The following THSD7B variants were observed in gnomAD, a reference collection of about 807,000 sequenced individuals.
THSD7B encodes thrombospondin type-1 domain-containing protein 7B.
THSD7B carries 138 observed loss-of-function variants against 213.6 expected under a neutral mutation model. That is an observed-to-expected ratio of 0.65 (90% CI 0.56 to 0.74). The LOEUF (loss-of-function observed/expected upper bound fraction) is 0.74. Ranked by LOEUF, THSD7B falls within the 30% of genes least tolerant of loss-of-function variation. THSD7B has a pLI of 0.00. For synonymous variants in THSD7B, 742 were observed against 687.0 expected (o/e 1.08, Z -1.25); for missense variants, 1,931 against 1,991.5 (o/e 0.97, Z 0.58).
intron 12 of THSD7B, among the ~76,000 whole-genome samples, chr2:137,364,075 G>A (rs1685342437): frequency 6.6e-6 from 1 of 152,210 alleles, no homozygotes; most frequent in South Asian, 2.1e-4. Flanking sequence ...TGGAATGCAA[G>A]GCTGGTTCAA....
chr2:137,133,736 G>T lies in THSD7B; in HGVS notation c.1369+18443G>T, dbSNP rs118096086. Reference sequence around the variant, plus strand: ...TAAATAGGTGAAATTAATTTTCCTAGTGTATTTTGTTTCACCAAATATATC... The same window carrying T: ...TAAATAGGTGAAATTAATTTTCCTATTGTATTTTGTTTCACCAAATATATC... On this transcript the variant is annotated intron_variant, in intron 5 of 27. Transcript: ENST00000409968. Among the ~76,000 whole-genome samples the T allele has an allele frequency of 3.6e-3, 548 of 152,292 alleles. 5 individuals are homozygous for T. Among genetic ancestry groups the T allele is most frequent in the Admixed American group, 0.023 (352 of 15,290 alleles).
chr2:137,649,440 G>T (rs1683099105), intron 21 of THSD7B, among the ~76,000 whole-genome samples: 2 of 152,062 alleles, frequency 1.3e-5, no homozygotes, highest in Admixed American at 6.6e-5. Context: ...AATACATTTT[G>T]ATTTGATTTT....
intron 1 of THSD7B, among the ~76,000 whole-genome samples, chr2:136,862,294 G>A (rs1683268184): frequency 6.6e-6 from 1 of 152,042 alleles, no homozygotes; most frequent in African/African-American, 2.4e-5. Flanking sequence ...TCTCCTCCAG[G>A]CCCTGAGAGT....
intron 6 of THSD7B, among the ~76,000 whole-genome samples, chr2:137,163,196 C>G (rs1680052726): frequency 6.6e-6 from 1 of 152,102 alleles, no homozygotes; most frequent in Admixed American, 6.5e-5. Context: ...TAAAAGTCAA[C>G]CTGTGCAGAT....
At chr2:137,321,907 G>A (rs968959790) in intron 12 of THSD7B, among the ~76,000 whole-genome samples, 1 of 152,178 alleles carries the variant, frequency 6.6e-6, no homozygotes, top group Non-Finnish European at 1.5e-5. Context: ...AGCAGCATCA[G>A]CTATATAGTG....
At chr2:137,040,430 G>C (rs1686858287) in intron 2 of THSD7B, among the ~76,000 whole-genome samples, 1 of 146,860 alleles carries the variant, frequency 6.8e-6, no homozygotes, top group Non-Finnish European at 1.5e-5. Context: ...GTCTCCCTCA[G>C]TTGCCCAGTC....
intron 4 of THSD7B, among the ~76,000 whole-genome samples, chr2:137,112,480 A>G (rs889516864): frequency 1.3e-5 from 2 of 152,134 alleles, no homozygotes; most frequent in Non-Finnish European, 2.9e-5. Context: ...GTTACTTTAT[A>G]TACAGATATA....
chr2:136,961,939 G>C (rs1055999684), intron 2 of THSD7B, among the ~76,000 whole-genome samples: 2 of 152,192 alleles, frequency 1.3e-5, no homozygotes, highest in African/African-American at 4.8e-5. Flanking sequence ...ATGTCCTAAT[G>C]CCCAGGATGT....
chr2:137,200,478 T>TA (rs1680852451), intron 7 of THSD7B, among the ~76,000 whole-genome samples: 1 of 152,098 alleles, frequency 6.6e-6, no homozygotes, highest in African/African-American at 2.4e-5. Flanking sequence ...AAAGAACATT[T>TA]TTAGTAAAAT....
chr2:137,332,846 T>C (rs1684547200), intron 12 of THSD7B, among the ~76,000 whole-genome samples: 1 of 152,196 alleles, frequency 6.6e-6, no homozygotes, highest in South Asian at 2.1e-4. Flanking sequence ...TCTGCCATGA[T>C]TGTAAGTTTC....
chr2:137,614,865 T>A (rs1292320468), intron 17 of THSD7B, among the ~76,000 whole-genome samples: 1 of 152,334 alleles, frequency 6.6e-6, no homozygotes, highest in South Asian at 2.1e-4. Context: ...TAATTTTGGT[T>A]CATAGTCAAG....
Position 137,482,103 on chromosome 2 carries a change from C to A in THSD7B, c.3138+31080C>A, listed in dbSNP as rs1206478971. On this transcript the variant is annotated intron_variant, in intron 15 of 27. Coordinates refer to ENST00000409968, the MANE Select transcript of THSD7B (RefSeq NM_001316349.2). ...TGAGGCAGGAGAATGGCACGTGAAC[C>A]TGGGAAGTGGAGCTTGCAGTGAGCC... Among the ~76,000 whole-genome samples the A allele has an allele frequency of 4.0e-5, 6 of 151,476 alleles. No individual in the cohort carries two copies. In the East Asian group the frequency reaches 1.2e-3, roughly 30 times the overall value.
intron 12 of THSD7B, among the ~76,000 whole-genome samples, chr2:137,316,500 G>T (rs552303038): frequency 1.3e-5 from 2 of 152,308 alleles, no homozygotes; most frequent in South Asian, 4.1e-4. Flanking sequence ...GTGAGGCTGG[G>T]CGTGGTGGCT....
intron 17 of THSD7B, among the ~76,000 whole-genome samples, chr2:137,583,432 G>A (rs1181248567): frequency 6.6e-6 from 1 of 152,152 alleles, no homozygotes; most frequent in African/African-American, 2.4e-5. Context: ...GTCCTGAATG[G>A]TATTGCCTAG....
At chr2:137,295,539 G>C (rs961257787) in intron 12 of THSD7B, among the ~76,000 whole-genome samples, 7 of 150,740 alleles carry the variant, frequency 4.6e-5, no homozygotes, top group African/African-American at 1.7e-4. Context: ...GCAGTGGTGT[G>C]ATCTCGGCTT....
At chr2:137,533,984 C>G (rs1680451117) in intron 15 of THSD7B, among the ~76,000 whole-genome samples, 2 of 148,298 alleles carry the variant, frequency 1.3e-5, no homozygotes, top group African/African-American at 5.0e-5. Context: ...TATTAAATAA[C>G]TGCCCGTGCA....
At chr2:137,038,643 C>T (rs924862055) in intron 2 of THSD7B, among the ~76,000 whole-genome samples, 1 of 152,140 alleles carries the variant, frequency 6.6e-6, no homozygotes, top group Non-Finnish European at 1.5e-5. Context: ...TGTGGATAGG[C>T]AAGGCAGATT....
chr2:137,220,051 G>A, intron 7 of THSD7B, among the ~76,000 whole-genome samples: 1 of 152,106 alleles, frequency 6.6e-6, no homozygotes, highest in East Asian at 1.9e-4. Flanking sequence ...AAAATTATAT[G>A]TTCTAATACA....
intron 1 of THSD7B, among the ~76,000 whole-genome samples, chr2:136,784,754 T>C (rs1169633528): frequency 1.3e-5 from 2 of 152,206 alleles, no homozygotes; most frequent in Non-Finnish European, 2.9e-5. Context: ...CCTCTGTTAG[T>C]AGCACTGTGA....
Sources: allele counts gnomAD v4.1 joint callset (sites outside exome capture counted in the v4.1 genomes callset), GRCh38; gene constraint gnomAD v4.1.1; transcripts MANE v1.5; gene names NCBI Gene and HGNC (gene_info 2026-07-23, HGNC 2026-07-21).